SLC22A23: variants seen among roughly 807,000 people sequenced by gnomAD.
SLC22A23 encodes solute carrier family 22 member 23.
In SLC22A23, 26 loss-of-function variants were observed where a neutral mutation model predicts 61.0. The observed-to-expected ratio is 0.43, with a 90% confidence interval of 0.31 to 0.59. The LOEUF is 0.59. Among genes scored for constraint, SLC22A23 ranks in the 20% least tolerant of loss-of-function variants. SLC22A23 has a pLI of 0.11. For synonymous variants in SLC22A23, 430 were observed against 413.9 expected, an observed-to-expected ratio of 1.04 and a Z score of -0.47; for missense variants, 796 against 934.7, an observed-to-expected ratio of 0.85 and a Z score of 1.94.
chr6:3,273,694 G>A (rs1758641779), intron 9 of SLC22A23, among the ~76,000 whole-genome samples: 1 of 152,042 alleles, frequency 6.6e-6, no homozygotes, highest in Admixed American at 6.6e-5. Context: ...TCAGGGCTGG[G>A]GACCATGAGA....
At chr6:3,432,760 G>T (rs73720901) in intron 1 of SLC22A23, among the ~76,000 whole-genome samples, 259 of 152,308 alleles carry the variant, frequency 1.7e-3, no homozygotes, top group African/African-American at 6.1e-3. Context: ...CTTTTCATAT[G>T]TTTAAATATG....
At chr6:3,380,545 A>T (rs183587278) in intron 3 of SLC22A23, among the ~76,000 whole-genome samples, 1 of 151,938 alleles carries the variant, frequency 6.6e-6, no homozygotes, top group Admixed American at 6.6e-5. Flanking sequence ...GTGAAACCGG[A>T]CTCTATTTTG....
chr6:3,383,924 T>G (rs972176903), intron 3 of SLC22A23, among the ~76,000 whole-genome samples: 11 of 152,234 alleles, frequency 7.2e-5, no homozygotes, highest in Non-Finnish European at 8.8e-5. Flanking sequence ...AGAGCTGCCT[T>G]TTTACAAGAT....
chr6:3,302,986 T>C (rs992573217), intron 4 of SLC22A23: 1 of 152,132 alleles, frequency 6.6e-6, no homozygotes, highest in Non-Finnish European at 1.5e-5. Flanking sequence ...ATCTAGAATA[T>C]ATGAGGAACT....
At chr6:3,282,445 A>C (rs1038154250) in intron 9 of SLC22A23, 5 of 616,254 alleles carry the variant, frequency 8.1e-6, no homozygotes, top group Admixed American at 8.1e-5. Context: ...GAATGAATCA[A>C]AAAGTGTGGA....
chr6:3,360,520 T>C lies in SLC22A23; in HGVS notation c.914-36518A>G, dbSNP rs1184646910. ...CTTAAAATACAGAACTGCATTCTCA[T>C]AGTCGGGTTTCAGGCAACGGCTCAA... On this transcript the variant is annotated intron_variant, in intron 3 of 9. Transcript: ENST00000406686. This position sits in a 1 kb window ranked among gnomAD's most constrained non-coding sequence, Gnocchi z 4.6. Among the ~76,000 whole-genome samples, 2 of 152,206 alleles carry C rather than the reference T, an allele frequency of 1.3e-5. No homozygotes were observed. The highest frequency in any genetic ancestry group is 2.4e-5 in the African/African-American group (1 of 41,452).
chr6:3,410,350 T>A lies in SLC22A23; in HGVS notation c.759-8A>T. The A allele has an allele frequency of 1.3e-6, 2 of 1,585,084 alleles. No homozygotes were observed. Among genetic ancestry groups the A allele is most frequent in the Non-Finnish European group, 1.7e-6 (2 of 1,166,548 alleles). The stretch of plus-strand genomic sequence containing the variant: ...ACAGGCCGCCGGCCGACCCTGCATA[T>A]GGAGAGGGAAAAAGTTAGGAATCAT... On this transcript the variant is annotated splice_region_variant and splice_polypyrimidine_tract_variant and intron_variant, in intron 2 of 9. Transcript: ENST00000406686. This position sits in a 1 kb window ranked among gnomAD's most constrained non-coding sequence, Gnocchi z 5.0.
intron 3 of SLC22A23, among the ~76,000 whole-genome samples, chr6:3,356,252 A>G (rs376138382): frequency 2.1e-4 from 32 of 151,252 alleles, no homozygotes; most frequent in South Asian, 1.9e-3. Context: ...TCTGCGTGCC[A>G]GCCCTTGGGA....
intron 3 of SLC22A23, among the ~76,000 whole-genome samples, chr6:3,355,179 C>T (rs1764995750): frequency 1.3e-5 from 2 of 151,292 alleles, no homozygotes; most frequent in Admixed American, 1.3e-4. Flanking sequence ...CGCCACCCTC[C>T]CCAGCTAAAA....
At chr6:3,375,581 A>G (rs1766512505) in intron 3 of SLC22A23, among the ~76,000 whole-genome samples, 1 of 152,158 alleles carries the variant, frequency 6.6e-6, no homozygotes, top group Admixed American at 6.5e-5. Context: ...TGCTCAACCT[A>G]TTTTCAGCAG....
intron 3 of SLC22A23, among the ~76,000 whole-genome samples, chr6:3,409,960 G>A (rs547823377): frequency 2.0e-5 from 3 of 152,104 alleles, no homozygotes; most frequent in South Asian, 2.1e-4. Flanking sequence ...GCAACCTCCC[G>A]TGTCCTTTGA....
chr6:3,351,493 G>A (rs998070114), intron 3 of SLC22A23, among the ~76,000 whole-genome samples: 14 of 152,198 alleles, frequency 9.2e-5, no homozygotes, highest in Non-Finnish European at 1.3e-4. Context: ...TGCCCTGAGC[G>A]TGCCAGGCAG....
At chr6:3,346,205 C>A (rs554182084) in intron 3 of SLC22A23, among the ~76,000 whole-genome samples, 1 of 152,282 alleles carries the variant, frequency 6.6e-6, no homozygotes, top group Admixed American at 6.5e-5. Flanking sequence ...TCTGACAGGC[C>A]AGCGCCACCT....
intron 3 of SLC22A23, among the ~76,000 whole-genome samples, chr6:3,398,497 GT>G (rs1158846618): frequency 1.2e-4 from 18 of 144,144 alleles, no homozygotes; most frequent in Admixed American, 7.7e-4. Flanking sequence ...CAAAAGCCCT[GT>G]GGAAGGAAAA....
intron 3 of SLC22A23, among the ~76,000 whole-genome samples, chr6:3,389,906 C>T (rs1426198823): frequency 2.6e-5 from 4 of 152,256 alleles, no homozygotes; most frequent in African/African-American, 4.8e-5. Context: ...TTCAAAGATT[C>T]GCTCTCATTG....
chr6:3,406,526 CTGTG>C (rs61072525), intron 3 of SLC22A23, among the ~76,000 whole-genome samples: 26,416 of 103,298 alleles, frequency 0.26, 3,846 homozygotes, highest in African/African-American at 0.5. Flanking sequence ...TTTCGACTGC[CTGTG>C]TGTGTGTGTG....
At position 3,321,580 on chromosome 6, in the gene SLC22A23, T is replaced by TA. The variant is rs370975505; in HGVS notation, c.1082+2253dup. On this transcript the variant is annotated intron_variant, in intron 4 of 9. Transcript: ENST00000406686. ...CTAAACCTCAATATGTTTCTAAAAT[T>TA]AAAAAAAAAACAAAACAAAAACCCG... 4.8e-3 allele frequency among the ~76,000 whole-genome samples: 709 copies of TA among 148,662 alleles called. 1 individual carries two copies. Among genetic ancestry groups the TA allele is most frequent in the East Asian group, 0.021 (106 of 5,110 alleles).
chr6:3,322,672 C>T lies in SLC22A23; in HGVS notation c.1082+1162G>A, dbSNP rs1763026353. On this transcript the variant is annotated intron_variant, in intron 4 of 9. Transcript: ENST00000406686. The surrounding 1 kb of genome is among the most constrained non-coding windows in gnomAD (Gnocchi z 4.1). ...GCAAGAACCAGGCTCTCGGGGAAAC[C>T]GCACCTGCACCCTCGCAGTACATCT... Among the ~76,000 whole-genome samples, 1 of 152,188 alleles carries T rather than the reference C, an allele frequency of 6.6e-6. No individual in the cohort carries two copies. Among genetic ancestry groups the T allele is most frequent in the Admixed American group, 6.5e-5 (1 of 15,288 alleles).
At chr6:3,399,809 G>A (rs1198207991) in intron 3 of SLC22A23, among the ~76,000 whole-genome samples, 1 of 152,184 alleles carries the variant, frequency 6.6e-6, no homozygotes, top group East Asian at 1.9e-4. Flanking sequence ...CTGTCCAGGA[G>A]AATTTTTTCT....
Sources: gnomAD v4.1 joint callset for allele counts (sites outside exome capture counted in the v4.1 genomes callset) on GRCh38, gnomAD v4.1.1 for gene constraint, Gnocchi (gnomAD v3.1) non-coding constraint, MANE v1.5 for transcripts, NCBI Gene and HGNC (gene_info 2026-07-23, HGNC 2026-07-21) for gene names.